Variants in TLK1 observed in about 807,000 individuals in gnomAD.
TLK1 encodes the protein serine/threonine-protein kinase tousled-like 1.
Under a neutral mutation model 105.3 loss-of-function variants are expected in TLK1, and 24 were observed. That is an observed-to-expected ratio of 0.23 (90% confidence interval 0.17 to 0.32). TLK1 has a LOEUF of 0.32. TLK1 is among the 10% of genes least tolerant of loss of function. TLK1 has a pLI of 1.00. For synonymous variants in TLK1, 321 were observed against 310.4 expected (o/e 1.03, Z -0.36); for missense variants, 558 against 910.5 (o/e 0.61, Z 4.98).
intron 2 of TLK1, among the ~76,000 whole-genome samples, chr2:171,088,703 C>T (rs1482310138): frequency 6.6e-6 from 1 of 152,104 alleles, no homozygotes; most frequent in African/African-American, 2.4e-5. Flanking sequence ...GGAACAATGC[C>T]TTCAAAATTC....
chr2:171,193,072 A>G (rs1315973477), intron 1 of TLK1, among the ~76,000 whole-genome samples: 1 of 152,246 alleles, frequency 6.6e-6, no homozygotes, highest in Non-Finnish European at 1.5e-5. Flanking sequence ...GGTGTAAATC[A>G]CTGCAAGAAA....
intron 12 of TLK1, among the ~76,000 whole-genome samples, chr2:171,026,486 T>C (rs1273078353): frequency 6.6e-6 from 1 of 152,164 alleles, no homozygotes; most frequent in Non-Finnish European, 1.5e-5. Context: ...TCAGATTTTA[T>C]AACAGATTTT....
intron 1 of TLK1, among the ~76,000 whole-genome samples, chr2:171,120,001 CT>C: frequency 1.3e-5 from 2 of 152,216 alleles, no homozygotes; most frequent in South Asian, 4.1e-4. Flanking sequence ...AATCCCAGCA[CT>C]TTGGGAGGCC....
At chr2:171,124,821 T>A (rs1045194957) in intron 1 of TLK1, among the ~76,000 whole-genome samples, 1 of 152,220 alleles carries the variant, frequency 6.6e-6, no homozygotes, top group South Asian at 2.1e-4. Context: ...CTGTAGTTGT[T>A]CTGCACAGGC....
intron 20 of TLK1, among the ~76,000 whole-genome samples, chr2:170,995,805 C>T (rs747715894): frequency 3.6e-4 from 55 of 152,240 alleles, no homozygotes; most frequent in Non-Finnish European, 6.0e-4. Flanking sequence ...TGGTCTCAAG[C>T]GATCCTCCCA....
intron 1 of TLK1, among the ~76,000 whole-genome samples, chr2:171,202,620 G>A (rs1693425497): frequency 6.6e-6 from 1 of 151,968 alleles, no homozygotes; most frequent in African/African-American, 2.4e-5. Context: ...AGCTGGGCAT[G>A]GTGGTGTGCG....
chr2:171,079,766 T>G (rs1688667228), intron 3 of TLK1, among the ~76,000 whole-genome samples: 1 of 152,178 alleles, frequency 6.6e-6, no homozygotes, highest in South Asian at 2.1e-4. Context: ...CAATGACAAT[T>G]GGATGCTTTC....
chr2:171,151,979 AC>A (rs2105598550), intron 1 of TLK1, among the ~76,000 whole-genome samples: 1 of 152,300 alleles, frequency 6.6e-6, no homozygotes, highest in African/African-American at 2.4e-5. Flanking sequence ...GTCTTAGGAG[AC>A]AGGATGAGTA....
intron 3 of TLK1, among the ~76,000 whole-genome samples, chr2:171,079,319 T>C (rs1449449056): frequency 1.3e-5 from 2 of 152,206 alleles, no homozygotes; most frequent in Non-Finnish European, 2.9e-5. Context: ...TACAGGCAAA[T>C]GGAATTGGTG....
chr2:171,221,350 C>T (rs924639680), intron 1 of TLK1, among the ~76,000 whole-genome samples: 2 of 152,094 alleles, frequency 1.3e-5, no homozygotes, highest in African/African-American at 4.8e-5. Context: ...GGATGCTCGG[C>T]GTATGACTTC....
intron 1 of TLK1, among the ~76,000 whole-genome samples, chr2:171,174,494 C>T (rs990164294): frequency 1.3e-5 from 2 of 152,108 alleles, no homozygotes; most frequent in African/African-American, 2.4e-5. Context: ...CCAAGGTACT[C>T]TTCATAATTA....
At chr2:171,108,863 T>G (rs2105516452) in intron 2 of TLK1, among the ~76,000 whole-genome samples, 1 of 152,280 alleles carries the variant, frequency 6.6e-6, no homozygotes, top group African/African-American at 2.4e-5. Flanking sequence ...CCCAAAGTGC[T>G]GGGATTACAG....
intron 3 of TLK1, among the ~76,000 whole-genome samples, chr2:171,079,709 T>C (rs1318440243): frequency 6.6e-6 from 1 of 152,194 alleles, no homozygotes; most frequent in East Asian, 1.9e-4. Flanking sequence ...ATAAACCGCA[T>C]ACAAACTGAA....
intron 8 of TLK1, among the ~76,000 whole-genome samples, 200 bp from the exon 9 acceptor site, chr2:171,050,374 C>G (rs1687178250): frequency 6.6e-6 from 1 of 151,234 alleles, no homozygotes; most frequent in Non-Finnish European, 1.5e-5. Flanking sequence ...GTGGAAAGTA[C>G]ATACAGGGAA....
At chr2:171,230,962 G>T (rs1282996282) in intron 1 of TLK1, among the ~76,000 whole-genome samples, 4 of 152,076 alleles carry the variant, frequency 2.6e-5, no homozygotes, top group African/African-American at 9.7e-5. Context: ...TTTACTGAAG[G>T]TTTGCACCTG....
intron 11 of TLK1, among the ~76,000 whole-genome samples, chr2:171,044,590 T>G (rs1418992969): frequency 6.6e-6 from 1 of 152,160 alleles, no homozygotes; most frequent in African/African-American, 2.4e-5. Context: ...GATGGTAATT[T>G]TGATGTCAGC....
chr2:171,148,911 A>ATGTGTG lies in TLK1; in HGVS notation c.139+11373_139+11378dup, dbSNP rs58338054. On this transcript the variant is annotated intron_variant, in intron 1 of 20. Coordinates refer to ENST00000431350, the MANE Select transcript of TLK1 (RefSeq NM_012290.5). ...AAAAAATATATATATATATATATAT[A>ATGTGTG]TGTGTGTGTGTGTGTGCGTGTGCGT... Among the ~76,000 whole-genome samples the ATGTGTG allele has an allele frequency of 6.0e-5, 8 of 134,240 alleles. No homozygotes were observed. The East Asian group carries it at 7.2e-4, about 12-fold the overall frequency. The allele number at this position is 134,240 out of a possible 152,430, so 88.1% of individuals were successfully genotyped here. A position where few individuals can be genotyped will look rare whatever the true frequency, so the allele number is the denominator to read the frequency against.
intron 1 of TLK1, among the ~76,000 whole-genome samples, chr2:171,154,137 C>T (rs1692145821): frequency 6.6e-6 from 1 of 151,700 alleles, no homozygotes; most frequent in South Asian, 2.1e-4. Flanking sequence ...AATCCTCTTG[C>T]CTTGGTCTCC....
chr2:171,007,666 C>A (rs2105364187), intron 14 of TLK1, among the ~76,000 whole-genome samples: 1 of 152,066 alleles, frequency 6.6e-6, no homozygotes, highest in African/African-American at 2.4e-5. Flanking sequence ...TCCCTAGTAC[C>A]CTTGCATCCC....
Sources: gnomAD v4.1 joint callset for allele counts (sites outside exome capture counted in the v4.1 genomes callset) on GRCh38, gnomAD v4.1.1 for gene constraint, MANE v1.5 for transcripts, NCBI Gene and HGNC (gene_info 2026-07-23, HGNC 2026-07-21) for gene names.